KCNN2: variants seen among roughly 807,000 people sequenced by gnomAD.
The protein encoded by KCNN2 is small conductance calcium-activated potassium channel protein 2.
A neutral mutation model predicts 55.5 loss-of-function variants in KCNN2; 24 were observed. That is an observed-to-expected ratio of 0.43 (90% CI 0.31 to 0.61). The LOEUF is 0.61. KCNN2 is among the 20% of genes least tolerant of loss of function. The pLI, the probability that KCNN2 is intolerant of heterozygous loss-of-function variation, is 0.08. For synonymous variants in KCNN2, 431 were observed against 336.1 expected, an observed-to-expected ratio of 1.28 and a Z score of -3.09; for missense variants, 754 against 853.6, an observed-to-expected ratio of 0.88 and a Z score of 1.45.
intron 2 of KCNN2, among the ~76,000 whole-genome samples, chr5:114,294,787 G>A (rs1755972225): frequency 6.6e-6 from 1 of 152,204 alleles, no homozygotes; most frequent in Non-Finnish European, 1.5e-5. Context: ...AATGTTGACA[G>A]TGGGGTGTTA....
At chr5:114,245,689 T>G (rs7720634) in intron 2 of KCNN2, among the ~76,000 whole-genome samples, 121,594 of 151,984 alleles carry the variant, frequency 0.8, 48,930 homozygotes, top group East Asian at 0.9. Context: ...AAAAAACCCC[T>G]AAAAACAAAA....
intron 2 of KCNN2, among the ~76,000 whole-genome samples, chr5:114,239,593 A>C (rs1247451570): frequency 1.3e-5 from 2 of 152,190 alleles, no homozygotes; most frequent in Non-Finnish European, 2.9e-5. Flanking sequence ...TTGAGAAGAG[A>C]CAAATTAAGG....
chr5:114,405,680 T>G (rs923819661), intron 3 of KCNN2, among the ~76,000 whole-genome samples: 2 of 151,482 alleles, frequency 1.3e-5, no homozygotes, highest in Non-Finnish European at 2.9e-5. Context: ...AGTTCAGATG[T>G]TAGTCTTTGT....
intron 5 of KCNN2, among the ~76,000 whole-genome samples, chr5:114,480,548 A>G (rs1440094732): frequency 6.6e-6 from 1 of 152,208 alleles, no homozygotes; most frequent in African/African-American, 2.4e-5. Context: ...CGGCAGAGAT[A>G]CAACAAAAAA....
At chr5:114,107,355 T>C (rs1483887161) in intron 1 of KCNN2, among the ~76,000 whole-genome samples, 1 of 152,024 alleles carries the variant, frequency 6.6e-6, no homozygotes, top group Non-Finnish European at 1.5e-5. Context: ...TCCCTTAAGA[T>C]TGTATTTCCT....
chr5:114,120,276 G>A (rs905783350), intron 1 of KCNN2, among the ~76,000 whole-genome samples: 2 of 152,112 alleles, frequency 1.3e-5, no homozygotes, highest in African/African-American at 4.8e-5. Flanking sequence ...TAGCACTGCC[G>A]CAGTAGTCCT....
chr5:114,212,914 G>A (rs762963750), intron 1 of KCNN2, among the ~76,000 whole-genome samples: 7 of 151,928 alleles, frequency 4.6e-5, no homozygotes, highest in South Asian at 2.1e-4. Context: ...AGTAGCATGC[G>A]TAAAGCTATA....
intron 3 of KCNN2, among the ~76,000 whole-genome samples, chr5:114,451,070 G>A (rs983927533): frequency 1.3e-5 from 2 of 152,148 alleles, no homozygotes; most frequent in Non-Finnish European, 2.9e-5. Context: ...AGTTATATAG[G>A]TGTAAGATTT....
intron 1 of KCNN2, among the ~76,000 whole-genome samples, chr5:114,204,221 A>T (rs6862497): frequency 3.3e-5 from 5 of 152,038 alleles, no homozygotes; most frequent in Non-Finnish European, 5.9e-5. Context: ...TAAAATATGC[A>T]TGTCACCTTC....
At chr5:114,156,442 A>T (rs11741609) in intron 1 of KCNN2, among the ~76,000 whole-genome samples, 16,905 of 152,110 alleles carry the variant, frequency 0.11, 1,207 homozygotes, top group South Asian at 0.24. Context: ...GTTTAATGGG[A>T]GTAGCACTGA....
intron 2 of KCNN2, among the ~76,000 whole-genome samples, chr5:114,276,658 ATTT>A (rs141201743): frequency 7.7e-6 from 1 of 130,450 alleles, no homozygotes; most frequent in African/African-American, 2.9e-5. Flanking sequence ...CAACCCCTGC[ATTT>A]TTTTTTTTTT....
chr5:114,306,827 A>G (rs375791756), intron 2 of KCNN2, among the ~76,000 whole-genome samples: 1 of 151,434 alleles, frequency 6.6e-6, no homozygotes, highest in African/African-American at 2.4e-5. Context: ...CAGCCTCCTG[A>G]GAAGCTGGAA....
At chr5:114,344,039 T>C (rs969791918) in intron 2 of KCNN2, among the ~76,000 whole-genome samples, 17 of 152,332 alleles carry the variant, frequency 1.1e-4, no homozygotes, top group African/African-American at 4.1e-4. Context: ...ACTAACATTG[T>C]CTTCCAGTTT....
intron 1 of KCNN2, among the ~76,000 whole-genome samples, chr5:114,220,380 G>GA (rs1304596542): frequency 1.3e-5 from 2 of 151,854 alleles, no homozygotes; most frequent in African/African-American, 4.8e-5. Flanking sequence ...CAGGAGAGAG[G>GA]AAAAAATCTA....
At position 114,495,913 on chromosome 5, in the gene KCNN2, G is replaced by T. The variant is rs1748094420; in HGVS notation, c.2107G>T (p.Asp703Tyr). Residue 703 changes from aspartate to tyrosine, a missense_variant, in exon 8 of 8, where the codon GAT (aspartate) becomes TAT (tyrosine). Around this residue, in one of 4 missense-constraint regions of KCNN2, gnomAD observed 164 missense variants for 156.6 expected, o/e 1.05. Transcript: ENST00000673685. ...DLAKTQNIMY[D>Y]MISDLNERSE... ...TTTTCAGACCCAGAACATCATGTATGATATGATTTCTGACTTAAACGAAAG... is the reference window on the plus strand; with the variant it reads ...TTTTCAGACCCAGAACATCATGTATTATATGATTTCTGACTTAAACGAAAG... The T allele has an allele frequency of 8.1e-6, 13 of 1,613,756 alleles. No homozygotes were observed. Among genetic ancestry groups the T allele is most frequent in the Non-Finnish European group, 1.1e-5 (13 of 1,179,728 alleles).
At chr5:114,307,965 T>C (rs1356735918) in intron 2 of KCNN2, among the ~76,000 whole-genome samples, 1 of 152,130 alleles carries the variant, frequency 6.6e-6, no homozygotes, top group East Asian at 1.9e-4. Flanking sequence ...GATCCACTCC[T>C]ATACATAATC....
In KCNN2 at chr5:114,156,199, T is replaced by A. The variant is rs537245434; in HGVS notation, c.-270-65281T>A. On this transcript the variant is annotated intron_variant, in intron 1 of 10. Coordinates refer to the KCNN2 transcript ENST00000512097. ...CAAAGATCAGATAGTTGTAGGTATA[T>A]GGTCTTATTTCTAGGTTCTCTATTC... Among the ~76,000 whole-genome samples, 16 of 152,252 alleles carry A rather than the reference T, an allele frequency of 1.1e-4. No homozygotes were observed. The South Asian group carries it at 3.3e-3, about 32-fold the overall frequency.
intron 2 of KCNN2, among the ~76,000 whole-genome samples, chr5:114,263,910 A>T (rs1755159599): frequency 6.6e-6 from 1 of 152,170 alleles, no homozygotes; most frequent in South Asian, 2.1e-4. Context: ...CAGGATGCTT[A>T]TTAAGACACC....
At chr5:114,291,658 C>T (rs1056452994) in intron 2 of KCNN2, among the ~76,000 whole-genome samples, 1 of 152,172 alleles carries the variant, frequency 6.6e-6, no homozygotes, top group Non-Finnish European at 1.5e-5. Context: ...CATACATGTG[C>T]ATGTGTCTTT....
Sources: gnomAD v4.1 joint callset for allele counts (sites outside exome capture counted in the v4.1 genomes callset) on GRCh38, gnomAD v4.1.1 for gene constraint, gnomAD v4.1.1 regional missense constraint, MANE v1.5 for transcripts, NCBI Gene and HGNC (gene_info 2026-07-23, HGNC 2026-07-21) for gene names.